The following FHIP2A variants were observed in gnomAD, a reference collection of about 807,000 sequenced individuals.
FHIP2A encodes the protein family with sequence similarity 160 member B1.
FHIP2A carries 46 observed loss-of-function variants against 93.5 expected under a neutral mutation model. The ratio of observed to expected loss-of-function variants is 0.49; its 90% CI spans 0.39 to 0.63. The LOEUF is 0.63. Among genes scored for constraint, FHIP2A ranks in the 20% least tolerant of loss-of-function variants. FHIP2A has a pLI of 0.00. For synonymous variants in FHIP2A, 332 were observed against 326.5 expected, an observed-to-expected ratio of 1.02 and a Z score of -0.18; for missense variants, 769 against 909.7, an observed-to-expected ratio of 0.85 and a Z score of 1.99.
chr10:114,883,576 TTTTG>T (rs760361176), intron 16 of FHIP2A, among the ~76,000 whole-genome samples: 17 of 152,252 alleles, frequency 1.1e-4, no homozygotes, highest in East Asian at 3.9e-4. Flanking sequence ...AGATTTATTT[TTTTG>T]TTTGTTTGTT....
At chr10:114,846,507 G>T in intron 10 of FHIP2A, 52 bp from the exon 11 acceptor site, 3 of 1,502,446 alleles carry the variant, frequency 2.0e-6, no homozygotes, top group Non-Finnish European at 2.7e-6. Flanking sequence ...GGTAAGAAGA[G>T]TAACTTATGT....
At chr10:114,869,439 C>G (rs2083846297), downstream of FHIP2A, among the ~76,000 whole-genome samples, 2 of 152,096 alleles carry the variant, frequency 1.3e-5, no homozygotes, top group African/African-American at 2.4e-5. Context: ...AATTCTTTGT[C>G]CTGTGATCTT....
intron 16 of FHIP2A, among the ~76,000 whole-genome samples, chr10:114,880,341 T>G (rs2083910682): frequency 6.6e-6 from 1 of 152,214 alleles, no homozygotes; most frequent in Non-Finnish European, 1.5e-5. Flanking sequence ...ACACTTTAAA[T>G]GGGTGAATTG....
Position 114,878,703 on chromosome 10 carries a change from C to T in FHIP2A, c.2192+17369C>T, listed in dbSNP as rs542027696. On this transcript the variant is annotated intron_variant, in intron 16 of 16. Coordinates refer to the FHIP2A transcript ENST00000369250. Reference sequence around the variant, plus strand: ...CTGAGGCAGACAGAAGTGCTTGAACCTGGGAGGCAGAGGTTGCAGTGAGCT... The same window carrying T: ...CTGAGGCAGACAGAAGTGCTTGAACTTGGGAGGCAGAGGTTGCAGTGAGCT... Among the ~76,000 whole-genome samples the T allele has an allele frequency of 4.6e-5, 7 of 150,806 alleles. No homozygotes were observed. In the South Asian group the frequency reaches 1.5e-3, roughly 32 times the overall value.
chr10:114,858,218 G>C (rs776592988), intron 14 of FHIP2A, among the ~76,000 whole-genome samples: 26 of 152,152 alleles, frequency 1.7e-4, no homozygotes, highest in Non-Finnish European at 3.7e-4. Context: ...TTCCAAAAAG[G>C]CTAGCTTGTT....
chr10:114,841,695 A>C (rs2083669923), intron 5 of FHIP2A, among the ~76,000 whole-genome samples: 1 of 152,198 alleles, frequency 6.6e-6, no homozygotes, highest in Non-Finnish European at 1.5e-5. Context: ...TTTCTCAAGA[A>C]GATTGGTCTA....
In FHIP2A at chr10:114,892,369, G is replaced by A. The variant is rs143818577; in HGVS notation, c.2193-7121G>A. Among the ~76,000 whole-genome samples the A allele has an allele frequency of 5.4e-3, 822 of 152,224 alleles. 6 individuals carry two copies. Among genetic ancestry groups the A allele is most frequent in the African/African-American group, 0.019 (781 of 41,544 alleles). On this transcript the variant is annotated intron_variant, in intron 16 of 16. Coordinates refer to the FHIP2A transcript ENST00000369250. ...TCATTGTTTAATAATAATGAAGACCGGGTGCGGTGGCTCACGCCTGTAATC... is the reference window on the plus strand; with the variant it reads ...TCATTGTTTAATAATAATGAAGACCAGGTGCGGTGGCTCACGCCTGTAATC...
intron 16 of FHIP2A, among the ~76,000 whole-genome samples, chr10:114,879,637 G>A (rs575356397): frequency 2.6e-4 from 39 of 152,224 alleles, no homozygotes; most frequent in South Asian, 2.1e-3. Flanking sequence ...CATAAGAAGC[G>A]GTGGGCATCG....
exon 17 of FHIP2A, chr10:114,899,546 G>T (rs2084016933): frequency 1.4e-6 from 1 of 717,568 alleles, no homozygotes. Context: ...TGTCCTCAAA[G>T]CTTCAAGCTC....
chr10:114,876,572 C>T (rs1354868065), intron 16 of FHIP2A, among the ~76,000 whole-genome samples: 1 of 152,202 alleles, frequency 6.6e-6, no homozygotes, highest in African/African-American at 2.4e-5. Context: ...ACGGCAGGCC[C>T]TGCCACTGCT....
At chr10:114,894,809 C>T (rs933503310) in intron 16 of FHIP2A, among the ~76,000 whole-genome samples, 1 of 152,068 alleles carries the variant, frequency 6.6e-6, no homozygotes, top group Non-Finnish European at 1.5e-5. Context: ...AAACTGGGAA[C>T]GACCTAGAGT....
chr10:114,837,164 A>C (rs1277761595), intron 5 of FHIP2A, among the ~76,000 whole-genome samples: 3 of 152,184 alleles, frequency 2.0e-5, no homozygotes, highest in Admixed American at 6.5e-5. Context: ...TCGGCCTCCC[A>C]AAGTTCTGGT....
At chr10:114,887,076 C>A (rs2083946949) in intron 16 of FHIP2A, among the ~76,000 whole-genome samples, 2 of 152,186 alleles carry the variant, frequency 1.3e-5, no homozygotes, top group Admixed American at 1.3e-4. Flanking sequence ...CTACCACTGC[C>A]AGCTTTGCAC....
intron 16 of FHIP2A, among the ~76,000 whole-genome samples, chr10:114,895,502 G>T (rs935062376): frequency 6.6e-6 from 1 of 152,160 alleles, no homozygotes; most frequent in Non-Finnish European, 1.5e-5. Flanking sequence ...GCAGTAACTT[G>T]AGAGTCTGTA....
At position 114,862,966 on chromosome 10, in the gene FHIP2A, T is replaced by C. The variant is rs186324709; in HGVS notation, c.*1426T>C. 2.0e-6 allele frequency: 2 copies of C among 985,342 alleles called. No individual in the cohort carries two copies. The highest frequency in any genetic ancestry group is 1.2e-6 in the Non-Finnish European group (1 of 829,934). 61.0% of individuals were successfully genotyped at this position (985,342 alleles called of 1,614,324 possible). On this transcript the variant is annotated 3_prime_UTR_variant, in exon 17 of 17. Coordinates refer to ENST00000369248, the MANE Select transcript of FHIP2A (RefSeq NM_020940.4). ...TGCATAGAGGCTTGTTTTACACCTA[T>C]CTGCTCATTTTGTTGTGTTAGCTTT... is the stretch of plus-strand genomic sequence containing the variant.
chr10:114,823,051 A>G (rs2083547146), intron 1 of FHIP2A, among the ~76,000 whole-genome samples: 1 of 152,098 alleles, frequency 6.6e-6, no homozygotes, highest in Non-Finnish European at 1.5e-5. Context: ...CATTCTGTGC[A>G]GAAACAATTA....
intron 16 of FHIP2A, among the ~76,000 whole-genome samples, chr10:114,883,072 A>G (rs966409139): frequency 6.6e-6 from 1 of 152,160 alleles, no homozygotes; most frequent in Non-Finnish European, 1.5e-5. Context: ...CACCAGCATG[A>G]TATGGGTAGA....
intron 16 of FHIP2A, among the ~76,000 whole-genome samples, chr10:114,880,867 T>G (rs2083913754): frequency 2.0e-5 from 3 of 152,216 alleles, no homozygotes; most frequent in African/African-American, 7.2e-5. Context: ...AGACAAAAGC[T>G]TCCTTTGTTT....
chr10:114,858,583 CTTT>C (rs11454222), intron 14 of FHIP2A, among the ~76,000 whole-genome samples: 1 of 140,682 alleles, frequency 7.1e-6, no homozygotes. Flanking sequence ...ATTTTTTCTA[CTTT>C]TTTTTTTTTT....
Sources: allele counts gnomAD v4.1 joint callset (sites outside exome capture counted in the v4.1 genomes callset), GRCh38; gene constraint gnomAD v4.1.1; transcripts MANE v1.5; gene names NCBI Gene and HGNC (gene_info 2026-07-23, HGNC 2026-07-21).